CFAP298: variants seen among roughly 807,000 people sequenced by gnomAD.
CFAP298 encodes cilia- and flagella-associated protein 298.
Under a neutral mutation model 41.0 loss-of-function variants are expected in CFAP298, and 38 were observed. The ratio of observed to expected loss-of-function variants is 0.93; its 90% confidence interval spans 0.72 to 1.22. The LOEUF is 1.22. Ranked by LOEUF, CFAP298 falls within the 50% of genes most tolerant of loss-of-function variation. CFAP298 has a pLI of 0.00. For missense variants in CFAP298, 348 were observed against 360.3 expected (o/e 0.97, Z 0.28); for synonymous variants, 137 against 135.3 (o/e 1.01, Z -0.09).
intron 3 of CFAP298, chr21:32,604,496 T>C (rs1362434569): frequency 1.8e-6 from 1 of 566,496 alleles, no homozygotes; most frequent in African/African-American, 1.9e-5. Context: ...GCACTGAGCA[T>C]GGAGTACAAT....
chr21:32,608,224 C>CAAAAAA (rs751998741), intron 2 of CFAP298, among the ~76,000 whole-genome samples: 89 of 93,540 alleles, frequency 9.5e-4, no homozygotes, highest in Middle Eastern at 6.3e-3. Flanking sequence ...GCTTAGAAGC[C>CAAAAAA]AAAAAAAAAA....
chr21:32,608,157 T>G (rs2038908265), intron 2 of CFAP298, among the ~76,000 whole-genome samples: 1 of 149,412 alleles, frequency 6.7e-6, no homozygotes. Flanking sequence ...TGGCTAAATT[T>G]GACCTGTAGC....
chr21:32,602,566 AGACCAGAGGCTGCAC>A, intron 5 of CFAP298, 199 bp from the exon 6 acceptor site: 2 of 1,400,562 alleles, frequency 1.4e-6, no homozygotes, highest in Non-Finnish European at 9.2e-7. Context: ...CACTGTGTGG[AGACCAGAGGCTGCAC>A]GATACCATCT....
At position 32,606,595 on chromosome 21, in the gene CFAP298, C is replaced by T. The variant is rs140973023; in HGVS notation, c.375+1054G>A. On this transcript the variant is annotated intron_variant, in intron 3 of 6. Transcript: ENST00000290155. ...CCTGTAGAGCTTCATAAAGCCTTTC[C>T]TATATTAACAGGCACAGAGCTTCAG... Among the ~76,000 whole-genome samples, 335 of 152,280 alleles carry T rather than the reference C, an allele frequency of 2.2e-3. 4 individuals are homozygous for T. The highest frequency in any genetic ancestry group is 7.7e-3 in the African/African-American group (320 of 41,546).
At position 32,611,341 on chromosome 21, in the gene CFAP298, T is replaced by TATATATATATATATA. The variant is rs1491095261; in HGVS notation, c.139+763_139+764insTATATATATATATAT. Among the ~76,000 whole-genome samples the TATATATATATATATA allele has an allele frequency of 5.1e-4, 60 of 118,394 alleles. 5 individuals are homozygous for TATATATATATATATA. The highest frequency in any genetic ancestry group is 1.5e-3 in the African/African-American group (36 of 24,494). 77.7% of individuals were successfully genotyped at this position (118,394 alleles called of 152,430 possible). On this transcript the variant is annotated intron_variant, in intron 1 of 6. Coordinates refer to ENST00000290155, the MANE Select transcript of CFAP298 (RefSeq NM_021254.4). ...ACCATATATATATATATATATATAATTTATTTATATTTATATATACATATA... is the reference window on the plus strand; with the variant it reads ...ACCATATATATATATATATATATAATATATATATATATATATTATTTATATTTATATATACATATA...
chr21:32,604,033 A>G, intron 4 of CFAP298, 92 bp downstream of exon 4: 1 of 1,302,708 alleles, frequency 7.7e-7, no homozygotes, highest in Non-Finnish European at 1.1e-6. Flanking sequence ...TGTAGGGAGC[A>G]AAACACTACA....
chr21:32,603,390 C>A (rs1460336245), intron 4 of CFAP298, 98 bp from the exon 5 acceptor site: 1 of 1,352,354 alleles, frequency 7.4e-7, no homozygotes, highest in East Asian at 2.3e-5. Context: ...ACAGATTTCT[C>A]CCCGTGCTCA....
In CFAP298 at chr21:32,601,401, C is replaced by T. The variant is rs1038494955; in HGVS notation, c.*462G>A. 2.7e-5 allele frequency among the ~76,000 whole-genome samples: 4 copies of T among 150,424 alleles called. No individual in the cohort carries two copies. The highest frequency in any genetic ancestry group is 2.0e-4 in the East Asian group (1 of 5,098). On this transcript the variant is annotated 3_prime_UTR_variant, in exon 7 of 7. Transcript: ENST00000290155. ...TAAGCTCCACCTCCCGGGTTCACGC[C>T]ATTCTCCTGCCTCAGCCTCCCGAGT...
At chr21:32,603,374 C>A in intron 4 of CFAP298, 82 bp from the exon 5 acceptor site, 1 of 1,490,788 alleles carries the variant, frequency 6.7e-7, no homozygotes. Flanking sequence ...CAGCAGGGGG[C>A]AGGGGACAGA....
intron 3 of CFAP298, among the ~76,000 whole-genome samples, chr21:32,607,021 C>T (rs1249475525): frequency 6.6e-6 from 1 of 152,174 alleles, no homozygotes; most frequent in Non-Finnish European, 1.5e-5. Context: ...TCAAATCTCC[C>T]CTACTTAACT....
chr21:32,604,135 G>C lies in CFAP298; in HGVS notation c.524C>G (p.Ser175Trp), dbSNP rs146867345. 6.2e-6 allele frequency: 10 copies of C among 1,613,752 alleles called. No homozygotes were observed. In the East Asian group the frequency reaches 2.2e-4, roughly 36 times the overall value. Residue 175 changes from serine to tryptophan, a missense_variant, in exon 4 of 7, where the codon TCG becomes TGG. Ser to Trp is a radical substitution (Grantham distance 177). Coordinates refer to ENST00000290155, the MANE Select transcript of CFAP298 (RefSeq NM_021254.4). The part of the protein sequence containing the change: ...RMEFENKEDL[S>W]GTQAGLNVIK... Reference sequence around the variant, plus strand: ...TCACAAACTACGTACCTGTGTTCCCGACAAGTCTTCCTTATTTTCAAACTC... The same window carrying C: ...TCACAAACTACGTACCTGTGTTCCCCACAAGTCTTCCTTATTTTCAAACTC...
In CFAP298 at chr21:32,612,147, G is replaced by T. The variant is rs753786167; in HGVS notation, c.97C>A (p.Arg33=). The T allele has an allele frequency of 4.4e-6, 7 of 1,577,554 alleles. No homozygotes were observed. The highest frequency in any genetic ancestry group is 1.3e-5 in the African/African-American group (1 of 74,220). Residue 33 remains arginine (R), a synonymous_variant, in exon 1 of 7, where the codon CGG becomes AGG. Coordinates refer to ENST00000290155, the MANE Select transcript of CFAP298 (RefSeq NM_021254.4). The part of the protein sequence containing the change: ...ELEELTVQVA[R]VYNGRLKVQR... ...ACCTTGAGCCGCCCATTATAGACCC[G>T]GGCCACCTGCACCGTGAGCTCCTCC...
At chr21:32,603,950 G>A (rs1465482487) in intron 4 of CFAP298, among the ~76,000 whole-genome samples, 175 bp downstream of exon 4, 2 of 152,190 alleles carry the variant, frequency 1.3e-5, no homozygotes, top group Non-Finnish European at 2.9e-5. Context: ...TCACTCATGA[G>A]TACCCACTCT....
At chr21:32,602,068 C>T in intron 6 of CFAP298, 95 bp from the exon 7 acceptor site, 1 of 905,292 alleles carries the variant, frequency 1.1e-6, no homozygotes, top group Non-Finnish European at 1.8e-6. Flanking sequence ...ACCTCCCCCT[C>T]TCCCTGCCCT....
rs367724246 is a variant in CFAP298, at chr21:32,604,214, C to T, written c.445G>A (p.Ala149Thr). Residue 149 changes from alanine to threonine, a missense_variant, in exon 4 of 7, where the codon GCG becomes ACG. Coordinates refer to ENST00000290155, the MANE Select transcript of CFAP298 (RefSeq NM_021254.4). The stretch of plus-strand genomic sequence containing the variant: ...CCCATGGGGTAAACAATCATCACCG[C>T]GCCTCGAAGCTGGTCCAAGGCATCT... The part of the protein sequence containing the change: ...VKDALDQLRG[A>T]VMIVYPMGLP... 3.2e-5 allele frequency: 52 copies of T among 1,613,906 alleles called. No homozygotes were observed. The highest frequency in any genetic ancestry group is 1.6e-4 in the Middle Eastern group (1 of 6,084).
At chr21:32,604,390 G>C in intron 3 of CFAP298, 107 bp from the exon 4 acceptor site, 2 of 1,284,808 alleles carry the variant, frequency 1.6e-6, no homozygotes, top group East Asian at 4.7e-5. Flanking sequence ...GCAACAAAAA[G>C]AAATCAAACA....
At position 32,599,526 on chromosome 21, in the gene CFAP298, G is replaced by C. The variant is rs1311383382; in HGVS notation, c.*2337C>G. Among the ~76,000 whole-genome samples the C allele has an allele frequency of 6.6e-6, 1 of 152,150 alleles. No homozygotes were observed. Among genetic ancestry groups the C allele is most frequent in the Non-Finnish European group, 1.5e-5 (1 of 68,008 alleles). ...TCAAACAGGGACTGGATTAAAAAAA[G>C]AAGAAAATAACAACAAGACCACAGA... On this transcript the variant is annotated 3_prime_UTR_variant, in exon 7 of 7. Transcript: ENST00000290155.
chr21:32,609,787 C>T (rs1454798323), intron 2 of CFAP298, 51 bp downstream of exon 2: 1 of 1,476,316 alleles, frequency 6.8e-7, no homozygotes, highest in South Asian at 1.3e-5. Flanking sequence ...GAACTGTTTT[C>T]ATACTTATGC....
intron 3 of CFAP298, 140 bp from the exon 4 acceptor site, chr21:32,604,423 C>T (rs2038822205): frequency 4.3e-6 from 4 of 926,246 alleles, no homozygotes; most frequent in East Asian, 2.6e-5. Flanking sequence ...AGAGTGACTA[C>T]CATCTATTTC....
Sources: gnomAD v4.1 joint callset for allele counts (sites outside exome capture counted in the v4.1 genomes callset) on GRCh38, gnomAD v4.1.1 for gene constraint, MANE v1.5 for transcripts, NCBI Gene and HGNC (gene_info 2026-07-23, HGNC 2026-07-21) for gene names.